Variants in DAB2IP observed in about 807,000 individuals in gnomAD.
DAB2IP encodes DAB2 interacting protein, also known as disabled homolog 2-interacting protein.
Under a neutral mutation model 107.2 loss-of-function variants are expected in DAB2IP, and 28 were observed. The observed-to-expected ratio is 0.26, with a 90% CI of 0.19 to 0.36. DAB2IP has a LOEUF of 0.36. DAB2IP is among the 10% of genes least tolerant of loss of function. The pLI is 1.00. For missense variants in DAB2IP, 1,400 were observed against 1,644.7 expected (o/e 0.85, Z 2.57); for synonymous variants, 755 against 706.4 (o/e 1.07, Z -1.09).
intron 6 of DAB2IP, among the ~76,000 whole-genome samples, chr9:121,761,350 C>G (rs1587973649): frequency 6.6e-6 from 1 of 152,372 alleles, no homozygotes; most frequent in Middle Eastern, 3.4e-3. Context: ...AGGACTGGGC[C>G]TCTGCCCTCT....
intron 1 of DAB2IP, among the ~76,000 whole-genome samples, chr9:121,602,052 C>G (rs183126162): frequency 8.9e-4 from 135 of 152,266 alleles, no homozygotes; most frequent in African/African-American, 3.1e-3. Context: ...CCACTCCCCC[C>G]CAACCCAGGC....
At chr9:121,715,712 A>G (rs1830567007) in intron 3 of DAB2IP, among the ~76,000 whole-genome samples, 1 of 152,102 alleles carries the variant, frequency 6.6e-6, no homozygotes, top group Admixed American at 6.5e-5. Context: ...TCCTCTTTCA[A>G]AAGGCTCTGT....
At chr9:121,763,037 G>GGTGTGGGA (rs1353807737) in intron 6 of DAB2IP, among the ~76,000 whole-genome samples, 2 of 152,224 alleles carry the variant, frequency 1.3e-5, no homozygotes, top group African/African-American at 2.4e-5. Flanking sequence ...ATCTGTGTCT[G>GGTGTGGGA]GTGTGGGAGC....
chr9:121,784,149 G>A (rs1190826422), exon 16 of DAB2IP: 1 of 156,426 alleles, frequency 6.4e-6, no homozygotes, highest in African/African-American at 2.4e-5. Flanking sequence ...GCTAGAGACA[G>A]ATGCTGGTGG....
exon 12 of DAB2IP, chr9:121,773,464 C>G: frequency 6.6e-7 from 1 of 1,523,312 alleles, no homozygotes; most frequent in Non-Finnish European, 8.8e-7. Context: ...GGGGACAGCC[C>G]AGAACTGAAG....
chr9:121,629,254 G>C (rs1403541840), intron 1 of DAB2IP, among the ~76,000 whole-genome samples: 2 of 152,218 alleles, frequency 1.3e-5, no homozygotes, highest in African/African-American at 4.8e-5. Flanking sequence ...AAGAGGCTTT[G>C]AGGGCATGAC....
chr9:121,611,930 G>A lies in DAB2IP; in HGVS notation c.40+44702G>A, dbSNP rs1589406334. On this transcript the variant is annotated intron_variant, in intron 1 of 16. Coordinates refer to the DAB2IP transcript ENST00000259371. ...AAAGAAAGAACACAGTACAGTGTCTGCACATCATAAACATTTAATAAATGC... is the reference window on the plus strand; with the variant it reads ...AAAGAAAGAACACAGTACAGTGTCTACACATCATAAACATTTAATAAATGC... Among the ~76,000 whole-genome samples, 8 of 152,296 alleles carry A rather than the reference G, an allele frequency of 5.3e-5. 1 individual carries two copies. The South Asian group carries it at 1.7e-3, about 32-fold the overall frequency.
chr9:121,572,830 C>T (rs576243238), intron 1 of DAB2IP, among the ~76,000 whole-genome samples: 5 of 152,198 alleles, frequency 3.3e-5, no homozygotes, highest in African/African-American at 7.2e-5. Context: ...CCTCCAGAAG[C>T]GGGTGGTTGC....
rs892634572 is a variant in DAB2IP, at chr9:121,701,662, G to A, written c.362+2204G>A. ...TGCTGCTTTGCTTAGGAACAGATTC[G>A]TCGGCTGCTGCTGGGATGGATGGGC... is the stretch of plus-strand genomic sequence containing the variant. On this transcript the variant is annotated intron_variant, in intron 3 of 15. Coordinates refer to ENST00000408936, the Ensembl canonical transcript of DAB2IP. This position sits in a 1 kb window ranked among gnomAD's most constrained non-coding sequence, Gnocchi z 4.7. Among the ~76,000 whole-genome samples the A allele has an allele frequency of 1.3e-5, 2 of 152,110 alleles. No individual in the cohort carries two copies. Among genetic ancestry groups the A allele is most frequent in the Non-Finnish European group, 2.9e-5 (2 of 68,024 alleles).
Position 121,776,160 on chromosome 9 carries a change from C to T in DAB2IP, c.3121-38C>T. On this transcript the variant is annotated intron_variant, in intron 13 of 15. Transcript: ENST00000408936. This position sits in a 1 kb window ranked among gnomAD's most constrained non-coding sequence, Gnocchi z 5.4. ...GCTGACGAAGCTGTGCTCTCTGTGTCCTGGGTGCTGTGCCCGTGGACGCTG... is the reference window on the plus strand; with the variant it reads ...GCTGACGAAGCTGTGCTCTCTGTGTTCTGGGTGCTGTGCCCGTGGACGCTG... 1 of 1,553,254 alleles carries T rather than the reference C, an allele frequency of 6.4e-7. No individual in the cohort carries two copies.
rs560605586 is a variant in DAB2IP, at chr9:121,616,373, C to T, written c.40+49145C>T. Among the ~76,000 whole-genome samples the T allele has an allele frequency of 9.4e-4, 143 of 152,218 alleles. 1 individual carries two copies. Among genetic ancestry groups the T allele is most frequent in the Non-Finnish European group, 1.6e-3 (108 of 68,022 alleles). ...ATTATCTGCTGTCTTTATTCTAGTG[C>T]CTGTCTGCCTGAGTTCCTTCTTGGA... is the stretch of plus-strand genomic sequence containing the variant. On this transcript the variant is annotated intron_variant, in intron 1 of 16. Coordinates refer to the DAB2IP transcript ENST00000259371.
rs116342743 is a variant in DAB2IP, at chr9:121,619,855, C to T, written c.40+52627C>T. Among the ~76,000 whole-genome samples, 697 of 152,272 alleles carry T rather than the reference C, an allele frequency of 4.6e-3. 10 individuals carry two copies. Among genetic ancestry groups the T allele is most frequent in the African/African-American group, 0.016 (672 of 41,558 alleles). ...GATACTAAATAGGGATCTCATTCAT[C>T]GCTAAGGCCTCCTTAGGTAGGAAGT... On this transcript the variant is annotated intron_variant, in intron 1 of 16. Coordinates refer to the DAB2IP transcript ENST00000259371.
At chr9:121,706,853 G>A (rs1282463794) in intron 3 of DAB2IP, among the ~76,000 whole-genome samples, 3 of 152,200 alleles carry the variant, frequency 2.0e-5, no homozygotes, top group South Asian at 4.1e-4. Flanking sequence ...AGCCACCAGC[G>A]TGCAGCAGAT....
chr9:121,625,504 T>G (rs1831612812), intron 1 of DAB2IP, among the ~76,000 whole-genome samples: 1 of 152,100 alleles, frequency 6.6e-6, no homozygotes, highest in African/African-American at 2.4e-5. Context: ...TCAGGTGATC[T>G]GCCTGCCCCG....
intron 1 of DAB2IP, among the ~76,000 whole-genome samples, chr9:121,630,903 C>T (rs747070891): frequency 5.3e-5 from 8 of 152,142 alleles, no homozygotes; most frequent in Admixed American, 3.3e-4. Context: ...CCACCATGCC[C>T]GGCCTGTTTT....
chr9:121,637,418 C>T (rs924459413), intron 1 of DAB2IP, among the ~76,000 whole-genome samples: 2 of 152,128 alleles, frequency 1.3e-5, no homozygotes, highest in Admixed American at 6.6e-5. Context: ...CTGCCTTGCT[C>T]GGGGAATTGG....
rs779681959 is a variant in DAB2IP, at chr9:121,635,772, G to A, written c.41-42906G>A. ...GGAGCGGGTTTTGGCCCAGCCCCAC[G>A]CAGAGCCTTAAAGACGCAGCCATGG... is the stretch of plus-strand genomic sequence containing the variant. On this transcript the variant is annotated intron_variant, in intron 1 of 16. Coordinates refer to the DAB2IP transcript ENST00000259371. This position sits in a 1 kb window ranked among gnomAD's most constrained non-coding sequence, Gnocchi z 4.3. 1.3e-5 allele frequency among the ~76,000 whole-genome samples: 2 copies of A among 152,100 alleles called. No homozygotes were observed. The highest frequency in any genetic ancestry group is 2.4e-5 in the African/African-American group (1 of 41,412).
At chr9:121,763,403 C>A in intron 6 of DAB2IP, 102 bp from the exon 7 acceptor site, 1 of 1,469,430 alleles carries the variant, frequency 6.8e-7, no homozygotes, top group Admixed American at 2.2e-5. Context: ...GGTGATGGAA[C>A]AGCCTCAAAA....
At chr9:121,665,849 T>C (rs1833397301) in intron 1 of DAB2IP, among the ~76,000 whole-genome samples, 1 of 152,230 alleles carries the variant, frequency 6.6e-6, no homozygotes, top group Admixed American at 6.5e-5. Flanking sequence ...TGAAATTCCA[T>C]AGTCCTGAAT....
Sources: allele counts gnomAD v4.1 joint callset (sites outside exome capture counted in the v4.1 genomes callset), GRCh38; gene constraint gnomAD v4.1.1; non-coding constraint Gnocchi (gnomAD v3.1); transcripts MANE v1.5; gene names NCBI Gene and HGNC (gene_info 2026-07-23, HGNC 2026-07-21).